The following ALPK2 variants were observed in gnomAD, a reference collection of about 807,000 sequenced individuals.
The protein encoded by ALPK2 is alpha kinase 2, also known as alpha-protein kinase 2.
A neutral mutation model predicts 163.1 loss-of-function variants in ALPK2; 127 were observed. That is an observed-to-expected ratio of 0.78 (90% CI 0.67 to 0.90). The LOEUF (loss-of-function observed/expected upper bound fraction) is 0.90. Among genes scored for constraint, ALPK2 ranks in the 40% least tolerant of loss-of-function variants. The pLI, the probability that ALPK2 is intolerant of heterozygous loss-of-function variation, is 0.00. For missense variants in ALPK2, 2,360 were observed against 2,589.6 expected (o/e 0.91, Z 1.92); for synonymous variants, 953 against 959.1 (o/e 0.99, Z 0.12).
chr18:58,514,833 A>G (rs1271058760), intron 10 of ALPK2, among the ~76,000 whole-genome samples, 160 bp downstream of exon 10: 1 of 150,694 alleles, frequency 6.6e-6, no homozygotes, highest in Non-Finnish European at 1.5e-5. Flanking sequence ...TAAATATCCT[A>G]CCCAGCAAGG....
At chr18:58,486,311 A>G (rs1319548843) in intron 12 of ALPK2, among the ~76,000 whole-genome samples, 1 of 152,174 alleles carries the variant, frequency 6.6e-6, no homozygotes, top group Admixed American at 6.5e-5. Flanking sequence ...CTCAGCCCTT[A>G]GCTACCTTCG....
At chr18:58,618,253 G>A (rs1276826856) in intron 1 of ALPK2, among the ~76,000 whole-genome samples, 1 of 152,068 alleles carries the variant, frequency 6.6e-6, no homozygotes, top group Admixed American at 6.6e-5. Flanking sequence ...CACCATATTG[G>A]CCAGGCTGGT....
chr18:58,516,064 T>A (rs1192883138), intron 9 of ALPK2, among the ~76,000 whole-genome samples: 4 of 146,474 alleles, frequency 2.7e-5, no homozygotes, highest in Admixed American at 2.0e-4. Flanking sequence ...AAAAAAAAAA[T>A]AAAAATTAGT....
In ALPK2 at chr18:58,489,092, C is replaced by T. The variant is rs1290797478; in HGVS notation, c.6297-7053G>A. On this transcript the variant is annotated intron_variant, in intron 12 of 12. Transcript: ENST00000361673. ...TCAGCGGGAGGAAGTTCTGTGGAAA[C>T]GCGGAGGGTGCCATTTTCACACTGC... 2.6e-5 allele frequency among the ~76,000 whole-genome samples: 4 copies of T among 152,226 alleles called. No homozygotes were observed. In the East Asian group the frequency reaches 5.8e-4, roughly 22 times the overall value.
At chr18:58,604,613 G>A (rs1276731057) in intron 3 of ALPK2, among the ~76,000 whole-genome samples, 1 of 152,176 alleles carries the variant, frequency 6.6e-6, no homozygotes, top group Non-Finnish European at 1.5e-5. Context: ...CATACTTACT[G>A]CTAAGCAGCA....
chr18:58,529,844 G>A (rs746522105), intron 5 of ALPK2, among the ~76,000 whole-genome samples: 17 of 152,206 alleles, frequency 1.1e-4, no homozygotes, highest in Non-Finnish European at 2.4e-4. Flanking sequence ...CCCACTGGTT[G>A]GGCTGAGACC....
intron 6 of ALPK2, among the ~76,000 whole-genome samples, chr18:58,524,451 C>A (rs113620963): frequency 2.6e-4 from 39 of 152,310 alleles, no homozygotes; most frequent in African/African-American, 9.4e-4. Context: ...CAATAAGGGA[C>A]AAGAGAAAAC....
chr18:58,512,920 ATGTGTGGGG>A (rs894456607), intron 10 of ALPK2, among the ~76,000 whole-genome samples: 4 of 138,584 alleles, frequency 2.9e-5, no homozygotes, highest in African/African-American at 1.1e-4. Flanking sequence ...TGTATGTGTG[ATGTGTGGGG>A]TGTGTGGGGT....
intron 11 of ALPK2, 32 bp downstream of exon 11, chr18:58,503,899 C>T (rs2051446462): frequency 6.3e-7 from 1 of 1,587,428 alleles, no homozygotes; most frequent in Non-Finnish European, 8.6e-7. Context: ...CCCACAGCAT[C>T]CCTGGAGCCT....
intron 4 of ALPK2, among the ~76,000 whole-genome samples, chr18:58,540,656 C>T (rs185772647): frequency 1.3e-5 from 2 of 152,274 alleles, no homozygotes; most frequent in East Asian, 3.9e-4. Flanking sequence ...GAGACTGCCC[C>T]ATCAAAAGCA....
Position 58,538,112 on chromosome 18 carries a change from G to C in ALPK2, c.2075C>G (p.Ser692Ter). Residue 692 changes from serine (S) to a stop codon, truncating the protein, a stop_gained, in exon 5 of 13, where the codon TCA (serine) becomes TGA (stop). Transcript: ENST00000361673. LOFTEE classifies it high-confidence loss of function. ...TTCCTTGTGGACCCCTCCTAAGTTT[G>C]AGAAGGAAATTGTTGTGGTCCCAGT... ...PFTGTTTISF[S>*]NLGGVHKENA... 1.2e-6 allele frequency: 2 copies of C among 1,614,128 alleles called. No homozygotes were observed. The highest frequency in any genetic ancestry group is 1.7e-6 in the Non-Finnish European group (2 of 1,180,026).
intron 8 of ALPK2, among the ~76,000 whole-genome samples, chr18:58,518,509 C>T (rs958140296): frequency 3.9e-5 from 6 of 152,204 alleles, no homozygotes; most frequent in African/African-American, 1.4e-4. Flanking sequence ...ACCCTCAAAT[C>T]TGCCTCTTTG....
At chr18:58,488,454 T>C in intron 12 of ALPK2, among the ~76,000 whole-genome samples, 1 of 133,528 alleles carries the variant, frequency 7.5e-6, no homozygotes, top group East Asian at 2.2e-4. Flanking sequence ...TGGGATCCGC[T>C]CACAACCGTG....
chr18:58,523,902 G>A (rs746348037), intron 7 of ALPK2, 33 bp downstream of exon 7: 1 of 1,614,154 alleles, frequency 6.2e-7, no homozygotes, highest in Admixed American at 1.7e-5. Flanking sequence ...ACGGGCAGGG[G>A]CCAGTGGTTT....
At chr18:58,501,470 C>T (rs1211390464) in intron 11 of ALPK2, among the ~76,000 whole-genome samples, 9 of 152,168 alleles carry the variant, frequency 5.9e-5, no homozygotes, top group East Asian at 5.8e-4. Context: ...ATCTGCAAGG[C>T]GGTAATGTTG....
chr18:58,608,981 G>T (rs942592116), intron 2 of ALPK2, among the ~76,000 whole-genome samples: 44 of 150,094 alleles, frequency 2.9e-4, no homozygotes, highest in Admixed American at 2.5e-3. Context: ...GAAAAGAAAA[G>T]AAAAGAAAAA....
intron 4 of ALPK2, among the ~76,000 whole-genome samples, chr18:58,574,305 C>G (rs925073098): frequency 2.6e-5 from 4 of 151,096 alleles, no homozygotes; most frequent in Admixed American, 6.6e-5. Context: ...AAAAATCAGC[C>G]GGGTGTGGTG....
Position 58,537,179 on chromosome 18 carries a change from C to G in ALPK2, c.3008G>C (p.Arg1003Thr), listed in dbSNP as rs2051655084. 1 of 1,613,866 alleles carries G rather than the reference C, an allele frequency of 6.2e-7. No individual in the cohort carries two copies. ...TANNECFQATRETEDTSTVTI... is the reference protein window; with the variant it reads ...TANNECFQATTETEDTSTVTI... The stretch of plus-strand genomic sequence containing the variant: ...AACAGTTGATGTGTCCTCAGTCTCC[C>G]TGGTCGCTTGAAAGCACTCATTATT... Residue 1003 changes from arginine to threonine, a missense_variant, in exon 5 of 13, where the codon AGG (arginine) becomes ACG (threonine). Physicochemically the swap from Arg to Thr is moderately conservative, Grantham distance 71 (BLOSUM62 -1). Transcript: ENST00000361673.
intron 1 of ALPK2, among the ~76,000 whole-genome samples, chr18:58,615,906 C>G (rs1318606306): frequency 2.0e-5 from 3 of 152,186 alleles, no homozygotes; most frequent in African/African-American, 4.8e-5. Flanking sequence ...CTATTTGACT[C>G]ACATAGTCAG....
Sources: gnomAD v4.1 joint callset for allele counts (sites outside exome capture counted in the v4.1 genomes callset) on GRCh38, gnomAD v4.1.1 for gene constraint, MANE v1.5 for transcripts, NCBI Gene and HGNC (gene_info 2026-07-23, HGNC 2026-07-21) for gene names.